SAMD12: variants seen among roughly 807,000 people sequenced by gnomAD.
SAMD12 encodes the protein sterile alpha motif domain-containing protein 12.
SAMD12 carries 9 observed loss-of-function variants against 15.0 expected under a neutral mutation model. The ratio of observed to expected loss-of-function variants is 0.60; its 90% CI spans 0.36 to 1.05. SAMD12 has a LOEUF of 1.05. Among genes scored for constraint, SAMD12 ranks in the 50% least tolerant of loss-of-function variants. The pLI, the probability that SAMD12 is intolerant of heterozygous loss-of-function variation, is 0.01. For synonymous variants in SAMD12, 86 were observed against 90.1 expected, an observed-to-expected ratio of 0.96 and a Z score of 0.25; for missense variants, 230 against 234.2, an observed-to-expected ratio of 0.98 and a Z score of 0.12.
chr8:118,562,018 C>T (rs1380355665), intron 2 of SAMD12, among the ~76,000 whole-genome samples: 1 of 152,092 alleles, frequency 6.6e-6, no homozygotes, highest in Non-Finnish European at 1.5e-5. Context: ...TAATGTTAAT[C>T]AAATAATTTA....
At chr8:118,279,677 A>T (rs1813562867) in intron 4 of SAMD12, among the ~76,000 whole-genome samples, 1 of 152,248 alleles carries the variant, frequency 6.6e-6, no homozygotes, top group South Asian at 2.1e-4. Context: ...TGTGGTGTGC[A>T]TTGTCAGTGC....
In SAMD12 at chr8:118,331,988, T is replaced by A. The variant is rs145855433; in HGVS notation, c.433+47572A>T. ...TTACTTAAACACCTGATAGTAACTATCAGAGGAACTTAAGACAGGTACCAC... is the reference window on the plus strand; with the variant it reads ...TTACTTAAACACCTGATAGTAACTAACAGAGGAACTTAAGACAGGTACCAC... On this transcript the variant is annotated intron_variant, in intron 4 of 4. Transcript: ENST00000409003. Among the ~76,000 whole-genome samples the A allele has an allele frequency of 5.1e-3, 780 of 152,192 alleles. 6 individuals carry two copies. The highest frequency in any genetic ancestry group is 0.02 in the Middle Eastern group (6 of 294).
At chr8:118,498,893 GT>G (rs1249787276) in intron 2 of SAMD12, among the ~76,000 whole-genome samples, 3 of 152,146 alleles carry the variant, frequency 2.0e-5, no homozygotes, top group African/African-American at 7.2e-5. Context: ...ATAGTGTCTT[GT>G]GCTATGAAGT....
At chr8:118,425,085 C>T (rs1009103354) in intron 3 of SAMD12, among the ~76,000 whole-genome samples, 1 of 151,864 alleles carries the variant, frequency 6.6e-6, no homozygotes, top group Non-Finnish European at 1.5e-5. Flanking sequence ...ACTACAGGCG[C>T]CCGCCACCAC....
intron 4 of SAMD12, among the ~76,000 whole-genome samples, chr8:118,345,923 T>TGGAGGA (rs148179685): frequency 0.042 from 6,353 of 152,134 alleles, 427 homozygotes; most frequent in African/African-American, 0.14. Flanking sequence ...ATGAAGAATG[T>TGGAGGA]GGAGGAGGAG....
downstream of SAMD12, among the ~76,000 whole-genome samples, chr8:118,185,595 T>A (rs17484597): frequency 0.033 from 5,095 of 152,252 alleles, 132 homozygotes; most frequent in South Asian, 0.075. Context: ...TGAGGATAAG[T>A]TTGTACAAAA....
chr8:118,535,364 A>T (rs1479404756), intron 2 of SAMD12, among the ~76,000 whole-genome samples: 2 of 152,194 alleles, frequency 1.3e-5, no homozygotes, highest in Non-Finnish European at 2.9e-5. Flanking sequence ...CCCTACTGGA[A>T]GATGCCTCCC....
intron 1 of SAMD12, among the ~76,000 whole-genome samples, chr8:118,582,915 T>C (rs1385407182): frequency 6.6e-6 from 1 of 152,180 alleles, no homozygotes; most frequent in East Asian, 1.9e-4. Flanking sequence ...TTTTTTTTTT[T>C]TCTTTCTCCA....
At chr8:118,397,689 G>A (rs1449800210) in intron 3 of SAMD12, among the ~76,000 whole-genome samples, 1 of 152,008 alleles carries the variant, frequency 6.6e-6, no homozygotes, top group East Asian at 1.9e-4. Flanking sequence ...TGCTGGGCTG[G>A]GTATAACTAT....
chr8:118,356,855 C>T (rs1411212242), intron 4 of SAMD12, among the ~76,000 whole-genome samples: 1 of 152,186 alleles, frequency 6.6e-6, no homozygotes, highest in African/African-American at 2.4e-5. Context: ...ACCACCTGCA[C>T]TCACTCTTAA....
chr8:118,203,325 A>G (rs9297580), intron 4 of SAMD12, among the ~76,000 whole-genome samples: 131,782 of 152,072 alleles, frequency 0.87, 58,245 homozygotes, highest in Non-Finnish European at 0.92. Context: ...TCTCAACTGG[A>G]TATAATTTTG....
intron 4 of SAMD12, among the ~76,000 whole-genome samples, chr8:118,271,413 G>T (rs1385468432): frequency 3.9e-5 from 6 of 152,058 alleles, no homozygotes; most frequent in African/African-American, 1.4e-4. Flanking sequence ...TACAATTCAA[G>T]ATGAGATTTG....
chr8:118,371,301 T>C (rs1011214755), intron 4 of SAMD12, among the ~76,000 whole-genome samples: 9 of 152,020 alleles, frequency 5.9e-5, no homozygotes, highest in African/African-American at 2.2e-4. Context: ...GCAATAGAAG[T>C]GGGAAGTTAA....
intron 4 of SAMD12, among the ~76,000 whole-genome samples, chr8:118,202,706 C>T (rs2514948): frequency 0.52 from 78,318 of 151,990 alleles, 21,672 homozygotes; most frequent in Non-Finnish European, 0.62. Flanking sequence ...AAGGGCTGTT[C>T]AGTGTCTTCC....
chr8:118,451,100 C>T (rs1221990750), intron 2 of SAMD12, among the ~76,000 whole-genome samples: 2 of 152,162 alleles, frequency 1.3e-5, no homozygotes, highest in Non-Finnish European at 2.9e-5. Context: ...GAGAAACATG[C>T]TTAGAAAGGT....
In SAMD12 at chr8:118,357,293, A is replaced by C. The variant is rs1392026923; in HGVS notation, c.433+22267T>G. Among the ~76,000 whole-genome samples the C allele has an allele frequency of 2.6e-5, 4 of 152,298 alleles. No homozygotes were observed. The East Asian group carries it at 5.8e-4, about 22-fold the overall frequency. ...TGCTCTGTTGTCCAGGCTGGAGTGC[A>C]GTGGCACAATCAAGGCTCACTGCAA... is the stretch of plus-strand genomic sequence containing the variant. On this transcript the variant is annotated intron_variant, in intron 4 of 4. Coordinates refer to the SAMD12 transcript ENST00000409003.
At chr8:118,351,400 TCTC>T (rs781447157) in intron 4 of SAMD12, among the ~76,000 whole-genome samples, 2 of 152,072 alleles carry the variant, frequency 1.3e-5, no homozygotes, top group Non-Finnish European at 2.9e-5. Context: ...GGCAGAACCT[TCTC>T]CTTTTATTTT....
chr8:118,471,972 C>T (rs1020996687), intron 2 of SAMD12, among the ~76,000 whole-genome samples: 3 of 152,188 alleles, frequency 2.0e-5, no homozygotes, highest in Non-Finnish European at 2.9e-5. Flanking sequence ...AAAATTACTG[C>T]TTCAATTTCC....
chr8:118,250,135 C>T (rs1019672112), intron 4 of SAMD12, among the ~76,000 whole-genome samples: 8 of 152,114 alleles, frequency 5.3e-5, no homozygotes, highest in South Asian at 2.1e-4. Flanking sequence ...GAGTGGTCTG[C>T]GTGGGTAGGC....
Sources: gnomAD v4.1 joint callset for allele counts (sites outside exome capture counted in the v4.1 genomes callset) on GRCh38, gnomAD v4.1.1 for gene constraint, MANE v1.5 for transcripts, NCBI Gene and HGNC (gene_info 2026-07-23, HGNC 2026-07-21) for gene names.